TEX9: variants seen among roughly 807,000 people sequenced by gnomAD.
TEX9 encodes the protein testis-expressed protein 9.
TEX9 carries 74 observed loss-of-function variants against 59.6 expected under a neutral mutation model. The observed-to-expected ratio is 1.24, with a 90% CI of 1.03 to 1.51. The LOEUF (loss-of-function observed/expected upper bound fraction) is 1.51. Among genes scored for constraint, TEX9 ranks in the 40% most tolerant of loss-of-function variants. The pLI, the probability that TEX9 is intolerant of heterozygous loss-of-function variation, is 0.00. For synonymous variants in TEX9, 186 were observed against 152.2 expected (o/e 1.22, Z -1.64); for missense variants, 522 against 447.8 (o/e 1.17, Z -1.49).
intron 1 of TEX9, among the ~76,000 whole-genome samples, chr15:56,297,283 G>T (rs1176959797): frequency 6.6e-6 from 1 of 151,936 alleles, no homozygotes; most frequent in Non-Finnish European, 1.5e-5. Context: ...TAAAAAATAG[G>T]GCGTCTCTTA....
chr15:56,296,373 A>G (rs1390335298), intron 1 of TEX9, among the ~76,000 whole-genome samples: 1 of 152,088 alleles, frequency 6.6e-6, no homozygotes, highest in East Asian at 1.9e-4. Flanking sequence ...TTTAATTAGT[A>G]TCATTTTGGT....
upstream of TEX9, among the ~76,000 whole-genome samples, chr15:56,364,606 G>T (rs1243792956): frequency 2.0e-5 from 3 of 152,022 alleles, no homozygotes; most frequent in Admixed American, 2.0e-4. Flanking sequence ...CTAAGTTTAG[G>T]TCTTTGATAC....
At chr15:56,403,836 C>A (rs2048927954) in intron 9 of TEX9, among the ~76,000 whole-genome samples, 1 of 152,196 alleles carries the variant, frequency 6.6e-6, no homozygotes, top group South Asian at 2.1e-4. Context: ...CACACATCTA[C>A]AACCATCTGA....
At chr15:56,438,435 A>G (rs193125600) in intron 12 of TEX9, among the ~76,000 whole-genome samples, 8 of 152,304 alleles carry the variant, frequency 5.3e-5, no homozygotes, top group African/African-American at 1.9e-4. Flanking sequence ...AAAACTGGCT[A>G]GCCATAGGTA....
intron 1 of TEX9, among the ~76,000 whole-genome samples, chr15:56,256,094 A>T (rs2141320585): frequency 6.6e-6 from 1 of 152,258 alleles, no homozygotes. Flanking sequence ...TTAAAATGAA[A>T]TTATAAATTA....
chr15:56,254,608 G>A (rs532975732), intron 1 of TEX9, among the ~76,000 whole-genome samples: 13 of 150,914 alleles, frequency 8.6e-5, no homozygotes, highest in African/African-American at 3.2e-4. Flanking sequence ...GAGCTAACAG[G>A]GATTCTTATT....
intron 1 of TEX9, among the ~76,000 whole-genome samples, chr15:56,282,655 G>GA (rs754682636): frequency 6.6e-6 from 1 of 152,088 alleles, no homozygotes; most frequent in Admixed American, 6.6e-5. Flanking sequence ...AGGTTTGTGG[G>GA]AAAAAATATC....
rs1289814005 is a variant in TEX9 at position 56,349,765 on chromosome 15, A to T, written c.-106-23676A>T. On this transcript the variant is annotated intron_variant, in intron 1 of 5. Coordinates refer to the TEX9 transcript ENST00000560827. Reference sequence around the variant, plus strand: ...TATATGTGTGTGTATATATATACACACGTGTATATACTTGTGAGTGCATAT... The same window carrying T: ...TATATGTGTGTGTATATATATACACTCGTGTATATACTTGTGAGTGCATAT... 1.3e-5 allele frequency among the ~76,000 whole-genome samples: 2 copies of T among 151,912 alleles called. 1 individual carries two copies. The highest frequency in any genetic ancestry group is 3.9e-4 in the East Asian group (2 of 5,182).
At chr15:56,273,202 C>T (rs1293867493) in intron 1 of TEX9, among the ~76,000 whole-genome samples, 1 of 152,132 alleles carries the variant, frequency 6.6e-6, no homozygotes, top group Admixed American at 6.6e-5. Context: ...ATCTGCCTGC[C>T]TTGGCCTCCA....
chr15:56,454,231 A>G, the TEX9 span, among the ~76,000 whole-genome samples: 30 of 152,312 alleles, frequency 2.0e-4, no homozygotes, highest in African/African-American at 2.4e-4. Context: ...GTGGGTACAC[A>G]GTATATATTT....
intron 1 of TEX9, among the ~76,000 whole-genome samples, chr15:56,348,208 G>GT (rs1256068505): frequency 2.6e-5 from 4 of 151,974 alleles, no homozygotes; most frequent in African/African-American, 7.2e-5. Context: ...AAAATTTTAA[G>GT]TTTTTTTATA....
intron 9 of TEX9, among the ~76,000 whole-genome samples, chr15:56,404,844 A>T (rs1038084553): frequency 2.0e-5 from 3 of 152,190 alleles, no homozygotes. Flanking sequence ...GACATAGATG[A>T]AGCTGGAAAC....
intron 2 of TEX9, among the ~76,000 whole-genome samples, chr15:56,367,483 C>T (rs1050329624): frequency 2.6e-5 from 4 of 152,066 alleles, no homozygotes; most frequent in African/African-American, 9.7e-5. Flanking sequence ...AATCACTGTC[C>T]GAAAGGATAG....
intron 1 of TEX9, 39 bp from the exon 2 acceptor site, chr15:56,365,540 C>T (rs1299298113): frequency 1.9e-6 from 3 of 1,614,224 alleles, no homozygotes; most frequent in African/African-American, 1.3e-5. Context: ...GCCTAACTTC[C>T]TTTAACTTCG....
chr15:56,279,265 A>G (rs1184247250), intron 1 of TEX9, among the ~76,000 whole-genome samples: 2 of 152,316 alleles, frequency 1.3e-5, no homozygotes, highest in East Asian at 1.9e-4. Context: ...GAGAAGAGCT[A>G]GGGAAGTGAA....
intron 9 of TEX9, 64 bp downstream of exon 9, chr15:56,394,898 A>T: frequency 6.9e-7 from 1 of 1,443,642 alleles, no homozygotes; most frequent in Non-Finnish European, 9.4e-7. Context: ...AAGGTTACAC[A>T]TTTGTATAGA....
chr15:56,460,009 A>AAAAAAAAAAAAAATATATATATAT, the TEX9 span, among the ~76,000 whole-genome samples: 9 of 26,386 alleles, frequency 3.4e-4, 1 homozygote, highest in East Asian at 1.1e-3. Flanking sequence ...AAAAAAAAAA[A>AAAAAAAAAAAAAATATATATATAT]ATACATATAT....
At chr15:56,327,662 C>T (rs760168257) in intron 1 of TEX9, among the ~76,000 whole-genome samples, 18 of 152,114 alleles carry the variant, frequency 1.2e-4, no homozygotes, top group Non-Finnish European at 1.6e-4. Flanking sequence ...ACAGCAGCCT[C>T]GTGGTGCAGA....
At chr15:56,425,635 T>C (rs1235790398) in intron 10 of TEX9, among the ~76,000 whole-genome samples, 1 of 152,198 alleles carries the variant, frequency 6.6e-6, no homozygotes, top group Non-Finnish European at 1.5e-5. Context: ...GTTGTCAATA[T>C]TCTCCTTCAG....
Sources: gnomAD v4.1 joint callset for allele counts (sites outside exome capture counted in the v4.1 genomes callset) on GRCh38, gnomAD v4.1.1 for gene constraint, MANE v1.5 for transcripts, NCBI Gene and HGNC (gene_info 2026-07-23, HGNC 2026-07-21) for gene names.